Variants in MED13 observed in about 807,000 individuals in gnomAD.
MED13 encodes the protein mediator of RNA polymerase II transcription subunit 13.
In MED13, 23 loss-of-function variants were observed where a neutral mutation model predicts 225.2. The observed-to-expected ratio is 0.10, with a 90% CI of 0.07 to 0.14. The LOEUF (loss-of-function observed/expected upper bound fraction) is 0.14, where lower values mean the gene tolerates loss of function less well. Among genes scored for constraint, MED13 ranks in the 10% least tolerant of loss-of-function variants. MED13 has a pLI of 1.00. For missense variants in MED13, 2,197 were observed against 2,594.5 expected (o/e 0.85, Z 3.33); for synonymous variants, 942 against 889.2 (o/e 1.06, Z -1.06).
At position 61,972,948 on chromosome 17, in the gene MED13, T is replaced by A. The variant is rs573802660; in HGVS notation, c.3806-60A>T. On this transcript the variant is annotated intron_variant, in intron 16 of 29. Transcript: ENST00000397786. ...ATTGCTATTGCCAACACAAATAAAATTTTAAGATAATACAAAACACATATA... is the reference window on the plus strand; with the variant it reads ...ATTGCTATTGCCAACACAAATAAAAATTTAAGATAATACAAAACACATATA... 790 of 1,433,034 alleles carry A rather than the reference T, an allele frequency of 5.5e-4. 6 individuals carry two copies. In the African/African-American group the frequency reaches 9.9e-3, roughly 18 times the overall value. 88.8% of individuals were successfully genotyped at this position (1,433,034 alleles called of 1,614,324 possible). A position where few individuals can be genotyped will look rare whatever the true frequency, so the allele number is the denominator to read the frequency against.
chr17:62,039,185 T>C (rs2080831477), intron 3 of MED13, among the ~76,000 whole-genome samples: 1 of 152,210 alleles, frequency 6.6e-6, no homozygotes, highest in Admixed American at 6.5e-5. Context: ...CTACCTCCTA[T>C]ACTGCTAGCA....
chr17:61,955,498 G>T lies in MED13; in HGVS notation c.5852C>A (p.Thr1951Asn). 1 of 1,600,104 alleles carries T rather than the reference G, an allele frequency of 6.2e-7. No homozygotes were observed. The highest frequency in any genetic ancestry group is 8.5e-7 in the Non-Finnish European group (1 of 1,175,474). ...ATGAGTACATGATGTATCCTGTGGG[G>T]TATTTAGCTGAGATGTCTGCATATT... is the stretch of plus-strand genomic sequence containing the variant. ...TLNMQTSQLN[T>N]PQDTSCTHIL... Residue 1951 changes from threonine to asparagine, a missense_variant, in exon 26 of 30, where the codon ACC becomes AAC. By Grantham distance (65) the Thr-to-Asn change is moderately conservative. Transcript: ENST00000397786.
At chr17:61,955,172 C>A in intron 26 of MED13, 1 of 375,122 alleles carries the variant, frequency 2.7e-6, no homozygotes, top group Non-Finnish European at 4.7e-6. Context: ...AAACCTCCTT[C>A]TGCCTCCTTC....
At chr17:61,994,055 C>A (rs185167067) in intron 10 of MED13, among the ~76,000 whole-genome samples, 1 of 151,572 alleles carries the variant, frequency 6.6e-6, no homozygotes, top group East Asian at 1.9e-4. Context: ...CAGAAGTTCA[C>A]TGGCATGATC....
intron 3 of MED13, among the ~76,000 whole-genome samples, chr17:62,051,858 G>C (rs1000222040): frequency 1.3e-5 from 2 of 152,128 alleles, no homozygotes. Flanking sequence ...TGACTGCTGG[G>C]AACTTAAATC....
intron 1 of MED13, among the ~76,000 whole-genome samples, chr17:62,064,049 A>G (rs1284208495): frequency 6.6e-6 from 1 of 152,226 alleles, no homozygotes; most frequent in East Asian, 1.9e-4. Flanking sequence ...CAGTAATTTA[A>G]TCTAACTTAA....
In MED13 at chr17:61,984,814, T is replaced by C. The variant is rs751964431; in HGVS notation, c.2528A>G (p.His843Arg). The C allele has an allele frequency of 6.2e-7, 1 of 1,613,678 alleles. No homozygotes were observed. Among genetic ancestry groups the C allele is most frequent in the Non-Finnish European group, 8.5e-7 (1 of 1,179,692 alleles). ...MYPTPPSLEQ[H>R]IMGFSPMNMN... The stretch of plus-strand genomic sequence containing the variant: ...ATTCATTGGGGAAAATCCCATAATA[T>C]GTTGTTCCAATGATGGTGGTGTAGG... The change falls in exon 14 of 30, where the codon CAT becomes CGT. Residue 843 changes from histidine to arginine, a missense_variant. His to Arg is a conservative substitution (Grantham distance 29). Coordinates refer to ENST00000397786, the MANE Select transcript of MED13 (RefSeq NM_005121.3).
intron 8 of MED13, among the ~76,000 whole-genome samples, chr17:62,021,255 G>C (rs28372553): frequency 4.7e-5 from 7 of 150,518 alleles, no homozygotes; most frequent in Admixed American, 1.3e-4. Flanking sequence ...TCACTTCCCA[G>C]TAGGGGCGGC....
chr17:61,948,712 C>T (rs1339741596), intron 28 of MED13, among the ~76,000 whole-genome samples: 1 of 151,648 alleles, frequency 6.6e-6, no homozygotes, highest in Non-Finnish European at 1.5e-5. Context: ...AGGTGTGAGC[C>T]ACTGCACCCG....
At chr17:62,029,105 G>T (rs930564511) in intron 8 of MED13, among the ~76,000 whole-genome samples, 1 of 152,076 alleles carries the variant, frequency 6.6e-6, no homozygotes, top group Non-Finnish European at 1.5e-5. Flanking sequence ...AGGTTGCAGT[G>T]AGCCATGATC....
chr17:61,950,953 C>T lies in MED13; in HGVS notation c.6163G>A (p.Val2055Ile), dbSNP rs757167992. The change falls in exon 28 of 30, where the codon GTA (valine) becomes ATA (isoleucine). Residue 2055 changes from valine (V) to isoleucine (I), a missense_variant. Val to Ile is a conservative substitution (Grantham distance 29). Around this residue, in one of 12 missense-constraint regions of MED13, gnomAD observed 216 missense variants for 388.9 expected, o/e 0.56. Transcript: ENST00000397786. ...RLLSTEPHEE[V>I]PNILQQPLAL... is the part of the protein sequence containing the mutation. ...AATGGTTGCTGAAGAATATTAGGTA[C>T]TTCCTCATGAGGTTCTGTTGATAGT... 1 of 1,613,830 alleles carries T rather than the reference C, an allele frequency of 6.2e-7. No homozygotes were observed. Among genetic ancestry groups the T allele is most frequent in the Non-Finnish European group, 8.5e-7 (1 of 1,179,820 alleles).
At chr17:62,008,755 T>C (rs1164741188) in intron 9 of MED13, among the ~76,000 whole-genome samples, 1 of 151,714 alleles carries the variant, frequency 6.6e-6, no homozygotes, top group African/African-American at 2.4e-5. Flanking sequence ...AAGAAGCCAC[T>C]AGTTATAAAA....
At chr17:62,009,120 T>C (rs1357217887) in intron 9 of MED13, among the ~76,000 whole-genome samples, 1 of 152,174 alleles carries the variant, frequency 6.6e-6, no homozygotes. Context: ...TACTAATAAA[T>C]AGGTAGACAG....
At position 61,944,562 on chromosome 17, in the gene MED13, C is replaced by T. The variant is rs1185159690; in HGVS notation, c.*1906G>A. 1 of 151,820 alleles carries T rather than the reference C, an allele frequency of 6.6e-6. No individual in the cohort carries two copies. Among genetic ancestry groups the T allele is most frequent in the African/African-American group, 2.4e-5 (1 of 41,332 alleles). 9.4% of individuals were successfully genotyped at this position (151,820 alleles called of 1,614,324 possible). A position where few individuals can be genotyped will look rare whatever the true frequency, so the allele number is the denominator to read the frequency against. The stretch of plus-strand genomic sequence containing the variant: ...CCTTTGTCACCAATTGTGTTTGCTT[C>T]ATAGAAAAAACAAGACTTGCTAATG... On this transcript the variant is annotated 3_prime_UTR_variant, in exon 30 of 30. Transcript: ENST00000397786.
Position 62,063,128 on chromosome 17 carries a change from C to A in MED13, c.240G>T (p.Leu80Phe). The change falls in exon 2 of 30, where the codon TTG (leucine) becomes TTT (phenylalanine). Residue 80 changes from leucine to phenylalanine, a missense_variant. Coordinates refer to ENST00000397786, the MANE Select transcript of MED13 (RefSeq NM_005121.3). Reference protein sequence around the residue: ...RRDQRPGRRELWIFWWGEDPS... With the variant: ...RRDQRPGRREFWIFWWGEDPS... ...GGTCTTCACCCCACCAAAATATCCA[C>A]AATTCTCTTCTTCCAGGTCTTTGAT... 6.2e-7 allele frequency: 1 copy of A among 1,614,170 alleles called. No homozygotes were observed. The highest frequency in any genetic ancestry group is 8.5e-7 in the Non-Finnish European group (1 of 1,180,012).
chr17:62,017,030 TAATA>T lies in MED13; in HGVS notation c.1284-5801_1284-5798del, dbSNP rs546974415. On this transcript the variant is annotated intron_variant, in intron 8 of 29. Transcript: ENST00000397786. The stretch of plus-strand genomic sequence containing the variant: ...CACCTCAAAAAATATATAATAATAA[TAATA>T]AATAAATAAATAAATAAAGTAAATT... 3.7e-3 allele frequency among the ~76,000 whole-genome samples: 555 copies of T among 149,806 alleles called. 9 individuals carry two copies. The highest frequency in any genetic ancestry group is 0.011 in the East Asian group (56 of 5,152).
chr17:62,015,915 CATATATATATATATATATATATATAT>C lies in MED13; in HGVS notation c.1284-4708_1284-4683del, dbSNP rs1198126410. ...CACACACACACATACACACTATACACATATATATATATATATATATATATATATATATATATATATTTTTTTTTTTT... is the reference window on the plus strand; with the variant it reads ...CACACACACACATACACACTATACACATATATATATATATTTTTTTTTTTT... On this transcript the variant is annotated intron_variant, in intron 8 of 29. Coordinates refer to ENST00000397786, the MANE Select transcript of MED13 (RefSeq NM_005121.3). Among the ~76,000 whole-genome samples the C allele has an allele frequency of 8.1e-3, 70 of 8,610 alleles. 3 individuals carry two copies. The highest frequency in any genetic ancestry group is 0.012 in the Non-Finnish European group (56 of 4,518). The allele number at this position is 8,610 out of a possible 152,430, so 5.6% of individuals were successfully genotyped here. A position where few individuals can be genotyped will look rare whatever the true frequency, so the allele number is the denominator to read the frequency against.
intron 8 of MED13, among the ~76,000 whole-genome samples, chr17:62,011,681 G>C (rs1054564371): frequency 2.0e-5 from 3 of 152,066 alleles, no homozygotes; most frequent in African/African-American, 7.3e-5. Context: ...ACAGCAACTG[G>C]CCAGAAAGCG....
intron 11 of MED13, among the ~76,000 whole-genome samples, chr17:61,990,221 C>G (rs760691545): frequency 6.6e-6 from 1 of 152,048 alleles, no homozygotes; most frequent in Non-Finnish European, 1.5e-5. Context: ...CTCACCCACA[C>G]GCACAAAAAA....
Sources: gnomAD v4.1 joint callset for allele counts (sites outside exome capture counted in the v4.1 genomes callset) on GRCh38, gnomAD v4.1.1 for gene constraint, gnomAD v4.1.1 regional missense constraint, MANE v1.5 for transcripts, NCBI Gene and HGNC (gene_info 2026-07-23, HGNC 2026-07-21) for gene names.